The following PPM1H variants were observed in gnomAD, a reference collection of about 807,000 sequenced individuals.
PPM1H encodes protein phosphatase 1H.
Under a neutral mutation model 54.9 loss-of-function variants are expected in PPM1H, and 27 were observed. The observed-to-expected ratio is 0.49, with a 90% CI of 0.36 to 0.68. PPM1H has a LOEUF of 0.68. PPM1H is among the 30% of genes least tolerant of loss of function. The pLI is 0.00. For missense variants in PPM1H, 596 were observed against 667.8 expected (o/e 0.89, Z 1.19); for synonymous variants, 305 against 270.8 (o/e 1.13, Z -1.24).
rs1592520745 is a variant in PPM1H at position 62,646,237 on chromosome 12, A to G, written c.*2252T>C. ...ATAATATTTCGATTTAGAGGTTTCT[A>G]GAGTTATTCCTGAGACGTGCCATAG... On this transcript the variant is annotated 3_prime_UTR_variant, in exon 10 of 10. Transcript: ENST00000228705. 6.6e-6 allele frequency: 1 copy of G among 152,354 alleles called. No individual in the cohort carries two copies. Among genetic ancestry groups the G allele is most frequent in the Non-Finnish European group, 1.5e-5 (1 of 68,028 alleles). The allele number at this position is 152,354 out of a possible 1,614,324, so 9.4% of individuals were successfully genotyped here. A position where few individuals can be genotyped will look rare whatever the true frequency, so the allele number is the denominator to read the frequency against.
intron 2 of PPM1H, among the ~76,000 whole-genome samples, chr12:62,823,711 A>G (rs1288302273): frequency 6.6e-6 from 1 of 152,224 alleles, no homozygotes; most frequent in Non-Finnish European, 1.5e-5. Flanking sequence ...CTTCATGCTA[A>G]AAACTCTCAA....
chr12:62,931,204 A>C (rs541676363), intron 1 of PPM1H, among the ~76,000 whole-genome samples: 3 of 152,156 alleles, frequency 2.0e-5, no homozygotes, highest in Non-Finnish European at 1.5e-5. Flanking sequence ...TTGGAACGTG[A>C]CTCACTTTCT....
chr12:62,791,750 G>C (rs2076702424), intron 3 of PPM1H, among the ~76,000 whole-genome samples: 1 of 152,032 alleles, frequency 6.6e-6, no homozygotes, highest in South Asian at 2.1e-4. Flanking sequence ...ATGAAACCCT[G>C]TCTCTACTAA....
chr12:62,694,087 C>A lies in PPM1H; in HGVS notation c.1074-88G>T, dbSNP rs190818167. On this transcript the variant is annotated intron_variant, in intron 6 of 9. Coordinates refer to ENST00000228705, the MANE Select transcript of PPM1H (RefSeq NM_020700.2). ...CACCGACTGCTAGGGATTTCATTTT[C>A]CCTGAGACCCCATCCACTCACCACA... 4.9e-5 allele frequency: 57 copies of A among 1,163,694 alleles called. No individual in the cohort carries two copies. The African/African-American group carries it at 8.4e-4, about 17-fold the overall frequency. 72.1% of individuals were successfully genotyped at this position (1,163,694 alleles called of 1,614,324 possible).
At chr12:62,759,334 C>T (rs2076493311) in intron 4 of PPM1H, among the ~76,000 whole-genome samples, 1 of 152,210 alleles carries the variant, frequency 6.6e-6, no homozygotes, top group Admixed American at 6.5e-5. Context: ...ATGAACATCT[C>T]ACTGATTTTA....
intron 1 of PPM1H, among the ~76,000 whole-genome samples, chr12:62,845,486 T>C (rs1555200880): frequency 1.3e-5 from 2 of 152,226 alleles, no homozygotes; most frequent in Non-Finnish European, 2.9e-5. Flanking sequence ...GCTGAGGCAA[T>C]TCTCTGACAC....
At chr12:62,782,748 G>A (rs2076649517) in intron 4 of PPM1H, among the ~76,000 whole-genome samples, 1 of 152,082 alleles carries the variant, frequency 6.6e-6, no homozygotes, top group South Asian at 2.1e-4. Flanking sequence ...CTGAATTTGT[G>A]GTAGTAATCA....
intron 9 of PPM1H, among the ~76,000 whole-genome samples, chr12:62,665,240 A>C (rs917087942): frequency 6.6e-6 from 1 of 151,784 alleles, no homozygotes; most frequent in Non-Finnish European, 1.5e-5. Context: ...TAGAGATGGG[A>C]GTTTCGCCAT....
chr12:62,756,072 T>A, intron 4 of PPM1H: 1 of 1,146,698 alleles, frequency 8.7e-7, no homozygotes, highest in Non-Finnish European at 1.3e-6. Flanking sequence ...CCAGGTTGTC[T>A]CCTCTGATTT....
chr12:62,707,565 C>T (rs2076182596), intron 6 of PPM1H, among the ~76,000 whole-genome samples: 1 of 152,230 alleles, frequency 6.6e-6, no homozygotes, highest in Admixed American at 6.5e-5. Flanking sequence ...CAGCAATCGC[C>T]TGGGGTGCTT....
intron 1 of PPM1H, among the ~76,000 whole-genome samples, chr12:62,925,257 A>G (rs1335715702): frequency 6.6e-6 from 1 of 152,190 alleles, no homozygotes; most frequent in African/African-American, 2.4e-5. Context: ...ACCTGCCTAG[A>G]CAAATGAGAT....
intron 1 of PPM1H, among the ~76,000 whole-genome samples, chr12:62,906,361 A>G (rs1169065005): frequency 6.6e-6 from 1 of 152,226 alleles, no homozygotes; most frequent in East Asian, 1.9e-4. Context: ...ATGTTTCATA[A>G]TCACTGGATC....
intron 9 of PPM1H, among the ~76,000 whole-genome samples, chr12:62,661,432 G>A (rs145798282): frequency 3.9e-5 from 6 of 152,248 alleles, no homozygotes; most frequent in African/African-American, 7.2e-5. Context: ...ACAGGGTCTC[G>A]CTCTGTTGCC....
At chr12:62,708,256 G>T (rs12311603) in intron 6 of PPM1H, among the ~76,000 whole-genome samples, 1,574 of 152,326 alleles carry the variant, frequency 0.01, 23 homozygotes, top group African/African-American at 0.036. Flanking sequence ...GAGGACGGTG[G>T]TGGTAGGATG....
chr12:62,752,218 C>G (rs2076445976), intron 4 of PPM1H, among the ~76,000 whole-genome samples: 1 of 152,096 alleles, frequency 6.6e-6, no homozygotes, highest in Non-Finnish European at 1.5e-5. Context: ...TATGAAGGGA[C>G]TTTATAGATT....
rs143282313 is a variant in PPM1H at position 62,838,111 on chromosome 12, A to G, written c.246-5832T>C. Among the ~76,000 whole-genome samples, 443 of 152,308 alleles carry G rather than the reference A, an allele frequency of 2.9e-3. 7 individuals carry two copies. The highest frequency in any genetic ancestry group is 0.017 in the Admixed American group (260 of 15,304). On this transcript the variant is annotated intron_variant, in intron 1 of 9. Coordinates refer to ENST00000228705, the MANE Select transcript of PPM1H (RefSeq NM_020700.2). The stretch of plus-strand genomic sequence containing the variant: ...GCACAGGTCTCAGGACTACAGAAAA[A>G]GACCAAATAGAGAATCTTCTTTTGT...
intron 9 of PPM1H, chr12:62,659,276 A>AAAAAAAAAAAAAAAAAAAAAAG (rs2075867789): frequency 2.0e-6 from 1 of 492,676 alleles, no homozygotes. Context: ...CTGCAAAAAA[A>AAAAAAAAAAAAAAAAAAAAAAG]AAAAAAAAAA....
At chr12:62,763,465 A>C (rs1470566708) in intron 4 of PPM1H, among the ~76,000 whole-genome samples, 3 of 152,224 alleles carry the variant, frequency 2.0e-5, no homozygotes, top group African/African-American at 4.8e-5. Context: ...TGCATGCAGC[A>C]GTTGCTTTTC....
chr12:62,823,894 G>C (rs771916733), intron 2 of PPM1H, among the ~76,000 whole-genome samples: 7 of 152,120 alleles, frequency 4.6e-5, no homozygotes, highest in Non-Finnish European at 8.8e-5. Context: ...TGGTAGTTCT[G>C]GCCAGGGCAA....
Sources: gnomAD v4.1 joint callset for allele counts (sites outside exome capture counted in the v4.1 genomes callset) on GRCh38, gnomAD v4.1.1 for gene constraint, MANE v1.5 for transcripts, NCBI Gene and HGNC (gene_info 2026-07-23, HGNC 2026-07-21) for gene names.